SH3RF1: variants seen among roughly 807,000 people sequenced by gnomAD.
SH3RF1 encodes the protein SH3 domain containing ring finger 1, also known as E3 ubiquitin-protein ligase SH3RF1.
A neutral mutation model predicts 74.0 loss-of-function variants in SH3RF1; 32 were observed. The ratio of observed to expected loss-of-function variants is 0.43; its 90% CI spans 0.33 to 0.58. The LOEUF is 0.58. SH3RF1 is among the 20% of genes least tolerant of loss of function. SH3RF1 has a pLI of 0.05. For synonymous variants in SH3RF1, 396 were observed against 439.6 expected (o/e 0.90, Z 1.24); for missense variants, 954 against 1,130.9 (o/e 0.84, Z 2.24).
chr4:169,141,992 A>AT (rs1347009169), intron 4 of SH3RF1, among the ~76,000 whole-genome samples: 2 of 151,490 alleles, frequency 1.3e-5, no homozygotes, highest in Admixed American at 6.6e-5. Context: ...TTGTTTTTGT[A>AT]TTTTTTTAGT....
rs372824086 is a variant in SH3RF1, at chr4:169,212,355, C to T, written c.394-55676G>A. 5.3e-5 allele frequency among the ~76,000 whole-genome samples: 8 copies of T among 152,074 alleles called. No homozygotes were observed. The East Asian group carries it at 5.8e-4, about 11-fold the overall frequency. ...CCAGGATTACAGGCGTGAGCCACCG[C>T]GCCTGGACTATTTTCTAATTTCTAA... On this transcript the variant is annotated intron_variant, in intron 2 of 11. Coordinates refer to ENST00000284637, the MANE Select transcript of SH3RF1 (RefSeq NM_020870.4).
rs549656159 is a variant in SH3RF1 at position 169,192,950 on chromosome 4, A to C, written c.394-36271T>G. 4.0e-5 allele frequency among the ~76,000 whole-genome samples: 6 copies of C among 150,098 alleles called. No homozygotes were observed. The East Asian group carries it at 1.2e-3, about 29-fold the overall frequency. On this transcript the variant is annotated intron_variant, in intron 2 of 11. Transcript: ENST00000284637. ...ATATATATATGATGGAATACTACTC[A>C]GCCATAAAAAGGAATAAATTAATGG...
At chr4:169,154,374 G>A (rs1734019599) in intron 4 of SH3RF1, among the ~76,000 whole-genome samples, 6 of 152,178 alleles carry the variant, frequency 3.9e-5, no homozygotes, top group Admixed American at 3.9e-4. Context: ...AGGAAATTGA[G>A]TGCTGGCTAC....
intron 2 of SH3RF1, among the ~76,000 whole-genome samples, chr4:169,247,688 G>C (rs749431828): frequency 2.6e-5 from 4 of 152,112 alleles, no homozygotes; most frequent in Non-Finnish European, 5.9e-5. Context: ...TGAGTCTGAG[G>C]AGGCATCATG....
Position 169,116,376 on chromosome 4 carries a change from G to A in SH3RF1, c.2032C>T (p.Pro678Ser). Residue 678 changes from proline (P) to serine (S), a missense_variant, in exon 10 of 12, where the codon CCC becomes TCC. Pro to Ser is a moderately conservative substitution (Grantham distance 74). This residue lies in a region of SH3RF1 where 854 missense variants were observed against 962.5 expected (regional missense o/e 0.89). Coordinates refer to ENST00000284637, the MANE Select transcript of SH3RF1 (RefSeq NM_020870.4). ...SITSASLEAEPSGRIVTVLPG... is the reference protein window; with the variant it reads ...SITSASLEAESSGRIVTVLPG... ...AGAACGGTCACTATCCGGCCACTGG[G>A]CTCAGCCTCCAGAGAAGCACTGGTG... 2 of 1,614,210 alleles carry A rather than the reference G, an allele frequency of 1.2e-6. No individual in the cohort carries two copies. The highest frequency in any genetic ancestry group is 1.7e-6 in the Non-Finnish European group (2 of 1,180,040).
At chr4:169,156,755 C>A in intron 2 of SH3RF1, 76 bp from the exon 3 acceptor site, 4 of 1,394,220 alleles carry the variant, frequency 2.9e-6, no homozygotes, top group East Asian at 2.3e-5. Context: ...ACTGCGTTGT[C>A]ATTGTTTTAA....
chr4:169,241,542 G>A (rs1313887227), intron 2 of SH3RF1, among the ~76,000 whole-genome samples: 1 of 144,786 alleles, frequency 6.9e-6, no homozygotes, highest in Non-Finnish European at 1.5e-5. Context: ...GTGCTTTGGC[G>A]CAGTCCATAG....
intron 8 of SH3RF1, among the ~76,000 whole-genome samples, chr4:169,119,111 T>A (rs1173410091): frequency 6.6e-6 from 1 of 151,996 alleles, no homozygotes; most frequent in African/African-American, 2.4e-5. Context: ...AGATAGATTT[T>A]TTTTTTCCTT....
chr4:169,257,800 A>C (rs1002558511), intron 2 of SH3RF1, among the ~76,000 whole-genome samples: 9 of 152,216 alleles, frequency 5.9e-5, no homozygotes, highest in African/African-American at 1.7e-4. Flanking sequence ...CTAGCAAGCA[A>C]ACCAGCCCTA....
chr4:169,186,470 T>A (rs1347506244), intron 2 of SH3RF1, among the ~76,000 whole-genome samples: 2 of 152,044 alleles, frequency 1.3e-5, no homozygotes, highest in Non-Finnish European at 2.9e-5. Flanking sequence ...TTCTTTCTGA[T>A]TCCATTATAA....
At chr4:169,252,156 T>C (rs1445516703) in intron 2 of SH3RF1, among the ~76,000 whole-genome samples, 4 of 152,224 alleles carry the variant, frequency 2.6e-5, no homozygotes, top group Non-Finnish European at 5.9e-5. Context: ...TATAGCATGT[T>C]GAGTTTTCCA....
intron 11 of SH3RF1, 102 bp downstream of exon 11, chr4:169,106,745 T>C: frequency 2.1e-6 from 2 of 954,654 alleles, no homozygotes; most frequent in Non-Finnish European, 3.1e-6. Context: ...TTTCAAAACA[T>C]TTAGGAAGAT....
chr4:169,123,652 G>A (rs1466711336), intron 6 of SH3RF1, among the ~76,000 whole-genome samples: 1 of 152,198 alleles, frequency 6.6e-6, no homozygotes, highest in Non-Finnish European at 1.5e-5. Context: ...AGCACTTTGG[G>A]AGGCTGAGGC....
rs78435011 is a variant in SH3RF1, at chr4:169,252,286, T to C, written c.393+16534A>G. On this transcript the variant is annotated intron_variant, in intron 2 of 11. Coordinates refer to ENST00000284637, the MANE Select transcript of SH3RF1 (RefSeq NM_020870.4). ...CAGATGCAACAAACAGGACACAGAG[T>C]TGCTAAAATATTACTTCTCTCTTTC... Among the ~76,000 whole-genome samples, 101 of 152,262 alleles carry C rather than the reference T, an allele frequency of 6.6e-4. 1 individual carries two copies. The East Asian group carries it at 0.018, about 27-fold the overall frequency.
At chr4:169,197,656 T>C (rs1734838629) in intron 2 of SH3RF1, among the ~76,000 whole-genome samples, 1 of 149,136 alleles carries the variant, frequency 6.7e-6, no homozygotes, top group Non-Finnish European at 1.5e-5. Context: ...CTTAGAATAA[T>C]TGTGTTTGTT....
At chr4:169,134,164 C>T (rs1365856999) in intron 5 of SH3RF1, among the ~76,000 whole-genome samples, 1 of 152,152 alleles carries the variant, frequency 6.6e-6, no homozygotes, top group Non-Finnish European at 1.5e-5. Context: ...ATAACTTCTC[C>T]CTGAGGCAAC....
chr4:169,262,500 C>T (rs1281813468), intron 2 of SH3RF1, among the ~76,000 whole-genome samples: 1 of 152,126 alleles, frequency 6.6e-6, no homozygotes, highest in Non-Finnish European at 1.5e-5. Flanking sequence ...AAACCCACCT[C>T]TACTAAAAGT....
chr4:169,215,163 C>G (rs955664108), intron 2 of SH3RF1, among the ~76,000 whole-genome samples: 1 of 152,044 alleles, frequency 6.6e-6, no homozygotes, highest in African/African-American at 2.4e-5. Flanking sequence ...CAGTTTTTAT[C>G]AAGAATGGGT....
At chr4:169,249,326 T>G (rs1044983078) in intron 2 of SH3RF1, among the ~76,000 whole-genome samples, 1 of 152,202 alleles carries the variant, frequency 6.6e-6, no homozygotes, top group Non-Finnish European at 1.5e-5. Context: ...TCACCCACCA[T>G]TAGGCTAGCT....
Sources: allele counts gnomAD v4.1 joint callset (sites outside exome capture counted in the v4.1 genomes callset), GRCh38; gene constraint gnomAD v4.1.1; regional missense constraint gnomAD v4.1.1; transcripts MANE v1.5; gene names NCBI Gene and HGNC (gene_info 2026-07-23, HGNC 2026-07-21).